ACSS3: variants seen among roughly 807,000 people sequenced by gnomAD.
ACSS3 encodes acyl-CoA synthetase short-chain family member 3, mitochondrial.
In ACSS3, 64 loss-of-function variants were observed where a neutral mutation model predicts 84.2. The observed-to-expected ratio is 0.76, with a 90% CI of 0.62 to 0.94. The LOEUF (loss-of-function observed/expected upper bound fraction) is 0.94. ACSS3 is among the 40% of genes least tolerant of loss of function. The pLI is 0.00. For synonymous variants in ACSS3, 317 were observed against 310.1 expected (o/e 1.02, Z -0.23); for missense variants, 815 against 867.6 (o/e 0.94, Z 0.76).
At chr12:81,111,127 A>C (rs947766250) in intron 2 of ACSS3, among the ~76,000 whole-genome samples, 1 of 152,134 alleles carries the variant, frequency 6.6e-6, no homozygotes, top group South Asian at 2.1e-4. Context: ...TGATTTAAAC[A>C]TAAAAAAAGA....
In ACSS3 at chr12:81,259,557, A is replaced by G; in HGVS notation, c.*4635A>G. ...CACATTTTTCAGCTTTTAATAAGTC[A>G]TGACGTCATTATTTCCTTAGAATTC... On this transcript the variant is annotated 3_prime_UTR_variant, in exon 16 of 16. Coordinates refer to ENST00000548058, the MANE Select transcript of ACSS3 (RefSeq NM_024560.4). 7.2e-7 allele frequency: 1 copy of G among 1,385,894 alleles called. No individual in the cohort carries two copies. The highest frequency in any genetic ancestry group is 9.9e-7 in the Non-Finnish European group (1 of 1,012,644). The allele number at this position is 1,385,894 out of a possible 1,614,324, so 85.8% of individuals were successfully genotyped here.
chr12:81,240,475 G>T (rs957171134), intron 13 of ACSS3, among the ~76,000 whole-genome samples: 13 of 151,832 alleles, frequency 8.6e-5, no homozygotes, highest in African/African-American at 2.7e-4. Context: ...ATATAATTGA[G>T]TCTTGTTTTT....
intron 2 of ACSS3, among the ~76,000 whole-genome samples, chr12:81,120,735 T>C (rs1021737622): frequency 6.6e-6 from 1 of 152,188 alleles, no homozygotes; most frequent in Non-Finnish European, 1.5e-5. Context: ...CTTAAGTAAA[T>C]AAATCTGAAT....
chr12:81,242,632 CA>C lies in ACSS3; in HGVS notation c.1719+9162del, dbSNP rs373855963. Among the ~76,000 whole-genome samples, 25 of 145,678 alleles carry C rather than the reference CA, an allele frequency of 1.7e-4. No individual in the cohort carries two copies. The East Asian group carries it at 4.5e-3, about 26-fold the overall frequency. ...CAATAAAATACTGGCAAACTGAATC[CA>C]GCAGCACATCAAAAAGTTTATCCAC... On this transcript the variant is annotated intron_variant, in intron 13 of 15. Transcript: ENST00000548058.
chr12:81,089,091 C>T (rs1300019455), intron 1 of ACSS3, among the ~76,000 whole-genome samples: 3 of 151,606 alleles, frequency 2.0e-5, no homozygotes, highest in African/African-American at 7.3e-5. Flanking sequence ...CTATAATGAC[C>T]ACATTATTCA....
chr12:81,249,057 G>A (rs1565744156), intron 13 of ACSS3, among the ~76,000 whole-genome samples: 1 of 151,806 alleles, frequency 6.6e-6, no homozygotes, highest in African/African-American at 2.4e-5. Flanking sequence ...AAAAATGAGG[G>A]CCTTCTTTAA....
intron 8 of ACSS3, among the ~76,000 whole-genome samples, chr12:81,194,304 C>T (rs1165095607): frequency 6.6e-6 from 1 of 151,292 alleles, no homozygotes; most frequent in Non-Finnish European, 1.5e-5. Context: ...TATCTTATTC[C>T]TAAATTTTAT....
At chr12:81,215,988 T>A (rs1292389417) in intron 9 of ACSS3, among the ~76,000 whole-genome samples, 1 of 152,122 alleles carries the variant, frequency 6.6e-6, no homozygotes. Flanking sequence ...TTCCTCCCTG[T>A]GTTTTGGGGC....
chr12:81,121,306 A>G (rs772855851), intron 2 of ACSS3, among the ~76,000 whole-genome samples: 3 of 152,204 alleles, frequency 2.0e-5, no homozygotes, highest in Non-Finnish European at 4.4e-5. Flanking sequence ...TAGAACTTTG[A>G]TTAAATAATC....
At chr12:81,233,118 C>T (rs2033519702) in intron 12 of ACSS3, among the ~76,000 whole-genome samples, 1 of 151,696 alleles carries the variant, frequency 6.6e-6, no homozygotes, top group African/African-American at 2.4e-5. Context: ...TATATTCAAA[C>T]ACTTAAACAT....
intron 2 of ACSS3, among the ~76,000 whole-genome samples, chr12:81,122,532 G>A (rs934246706): frequency 1.3e-5 from 2 of 152,018 alleles, no homozygotes; most frequent in African/African-American, 4.8e-5. Context: ...AATATGTGAG[G>A]CAATTATTAC....
At chr12:81,192,360 A>G (rs1195320096) in intron 8 of ACSS3, among the ~76,000 whole-genome samples, 2 of 152,218 alleles carry the variant, frequency 1.3e-5, no homozygotes, top group Non-Finnish European at 2.9e-5. Flanking sequence ...AGCCCGGGCG[A>G]CAGAGCAAGA....
chr12:81,220,482 G>A (rs1010972077), intron 11 of ACSS3, among the ~76,000 whole-genome samples: 1 of 151,876 alleles, frequency 6.6e-6, no homozygotes, highest in African/African-American at 2.4e-5. Context: ...TACATTACAA[G>A]TTCGTTTCAT....
chr12:81,168,906 C>T lies in ACSS3; in HGVS notation c.1099-5882C>T, dbSNP rs143966913. 9.5e-4 allele frequency among the ~76,000 whole-genome samples: 144 copies of T among 152,270 alleles called. 4 individuals are homozygous for T. In the East Asian group the frequency reaches 0.026, roughly 27 times the overall value. On this transcript the variant is annotated intron_variant, in intron 7 of 15. Transcript: ENST00000548058. Reference sequence around the variant, plus strand: ...AGGCAGGTTGGTATTGAAAAATAGCCTTGTCTGAGATAATGTCTATCGAAG... The same window carrying T: ...AGGCAGGTTGGTATTGAAAAATAGCTTTGTCTGAGATAATGTCTATCGAAG...
intron 1 of ACSS3, among the ~76,000 whole-genome samples, chr12:81,086,168 T>C (rs925385674): frequency 6.6e-6 from 1 of 152,182 alleles, no homozygotes; most frequent in South Asian, 2.1e-4. Flanking sequence ...GTGAGAGTGT[T>C]ATATAAAGAG....
intron 8 of ACSS3, among the ~76,000 whole-genome samples, chr12:81,195,067 A>G (rs1460761159): frequency 6.6e-6 from 1 of 152,018 alleles, no homozygotes; most frequent in Non-Finnish European, 1.5e-5. Context: ...TCTTTAAACT[A>G]ATTTATGGCT....
At chr12:81,198,157 G>T (rs1442730660) in intron 8 of ACSS3, among the ~76,000 whole-genome samples, 1 of 152,124 alleles carries the variant, frequency 6.6e-6, no homozygotes, top group Non-Finnish European at 1.5e-5. Flanking sequence ...TCAAACTGGT[G>T]TTAATTTTGC....
At chr12:81,084,962 A>C (rs1305823156) in intron 1 of ACSS3, among the ~76,000 whole-genome samples, 8 of 152,230 alleles carry the variant, frequency 5.3e-5, no homozygotes, top group Admixed American at 2.6e-4. Flanking sequence ...CGACAGTGAC[A>C]GGAAGATGAA....
At chr12:81,115,408 T>C (rs967599030) in intron 2 of ACSS3, among the ~76,000 whole-genome samples, 8 of 152,150 alleles carry the variant, frequency 5.3e-5, no homozygotes, top group Non-Finnish European at 1.0e-4. Flanking sequence ...TTTTTTTCCC[T>C]GATGACAAAT....
Sources: allele counts gnomAD v4.1 joint callset (sites outside exome capture counted in the v4.1 genomes callset), GRCh38; gene constraint gnomAD v4.1.1; transcripts MANE v1.5; gene names NCBI Gene and HGNC (gene_info 2026-07-23, HGNC 2026-07-21).